Variants in SRCAP observed in about 807,000 individuals in gnomAD.
The protein encoded by SRCAP is chromatin remodeling protein SRCAP.
Under a neutral mutation model 263.1 loss-of-function variants are expected in SRCAP, and 46 were observed. That is an observed-to-expected ratio of 0.17 (90% CI 0.14 to 0.22). SRCAP has a LOEUF of 0.22. Among genes scored for constraint, SRCAP ranks in the 10% least tolerant of loss-of-function variants. The pLI, the probability that SRCAP is intolerant of heterozygous loss-of-function variation, is 1.00. For synonymous variants in SRCAP, 1,813 were observed against 1,662.1 expected (o/e 1.09, Z -2.21); for missense variants, 3,695 against 4,181.9 (o/e 0.88, Z 3.21).
rs2151294124 is a variant in SRCAP, at chr16:30,723,982, A to G, written c.4558A>G (p.Thr1520Ala). Residue 1520 changes from threonine to alanine, a missense_variant, in exon 25 of 34, where the codon ACA (threonine) becomes GCA (alanine). By Grantham distance (58) the Thr-to-Ala change is moderately conservative (BLOSUM62 0). Around this residue, in one of 12 missense-constraint regions of SRCAP, gnomAD observed 1,347 missense variants for 1,304.4 expected, o/e 1.03. Coordinates refer to ENST00000262518, the MANE Select transcript of SRCAP (RefSeq NM_006662.3). ...ATAPSLSSSQ[T>A]PGHPLLLAPT... is the part of the protein sequence containing the mutation. ...AGCTCCATCCCTGTCTTCATCTCAG[A>G]CACCTGGTCACCCTCTGTTGTTGGC... The G allele has an allele frequency of 6.2e-7, 1 of 1,614,038 alleles. No homozygotes were observed. Among genetic ancestry groups the G allele is most frequent in the South Asian group, 1.1e-5 (1 of 91,080 alleles).
intron 21 of SRCAP, among the ~76,000 whole-genome samples, chr16:30,721,709 A>G (rs2053013411): frequency 6.6e-6 from 1 of 152,264 alleles, no homozygotes; most frequent in Non-Finnish European, 1.5e-5. Flanking sequence ...AAATTGAGGC[A>G]GCTAACATAT....
intron 3 of SRCAP, among the ~76,000 whole-genome samples, chr16:30,702,568 TCCCTCCCTCCCTCCCTCCCTTCCCTG>T (rs1269009153): frequency 3.8e-3 from 220 of 57,250 alleles, no homozygotes; most frequent in African/African-American, 0.012. Flanking sequence ...CTCCCTCCCT[TCCCTCCCTCCCTCCCTCCCTTCCCTG>T]CCTTCCCTCC....
intron 3 of SRCAP, 93 bp from the exon 4 acceptor site, chr16:30,703,971 T>G: frequency 6.9e-7 from 1 of 1,450,640 alleles, no homozygotes; most frequent in Non-Finnish European, 9.3e-7. Context: ...CTCTACACAG[T>G]TTTTTCTTGT....
intron 18 of SRCAP, among the ~76,000 whole-genome samples, chr16:30,718,233 A>G (rs912911376): frequency 3.9e-5 from 6 of 151,924 alleles, no homozygotes; most frequent in African/African-American, 7.3e-5. Context: ...CTAGAGTGCA[A>G]TGGCACAATC....
intron 27 of SRCAP, among the ~76,000 whole-genome samples, chr16:30,731,947 C>T (rs1283093757): frequency 1.3e-5 from 2 of 151,964 alleles, no homozygotes; most frequent in Non-Finnish European, 2.9e-5. Context: ...GAGTTGGAGA[C>T]CAGCCTGGGC....
At chr16:30,710,681 C>T in intron 8 of SRCAP, 73 bp from the exon 9 acceptor site, 1 of 1,488,020 alleles carries the variant, frequency 6.7e-7, no homozygotes, top group Non-Finnish European at 9.4e-7. Context: ...CCTGTGACAC[C>T]TTTTTCAAGT....
chr16:30,708,296 C>T (rs1382010613), intron 6 of SRCAP, among the ~76,000 whole-genome samples: 1 of 152,204 alleles, frequency 6.6e-6, no homozygotes, highest in Non-Finnish European at 1.5e-5. Flanking sequence ...GCATCCTCAA[C>T]CTCCTGGGCT....
At position 30,700,715 on chromosome 16, in the gene SRCAP, C is replaced by A; in HGVS notation, c.-110C>A. ...CGGTGGCCGGTGGCCCAGAATGAGGCCAGCTCCCAGCATGCCCTGCAGCCG... is the reference window on the plus strand; with the variant it reads ...CGGTGGCCGGTGGCCCAGAATGAGGACAGCTCCCAGCATGCCCTGCAGCCG... On this transcript the variant is annotated 5_prime_UTR_variant, in exon 3 of 34. Transcript: ENST00000262518. The A allele has an allele frequency of 8.9e-7, 1 of 1,119,260 alleles. No homozygotes were observed. The highest frequency in any genetic ancestry group is 1.3e-6 in the Non-Finnish European group (1 of 771,952). The allele number at this position is 1,119,260 out of a possible 1,614,324, so 69.3% of individuals were successfully genotyped here.
At position 30,720,752 on chromosome 16, in the gene SRCAP, G is replaced by A. The variant is rs2053003368; in HGVS notation, c.3027G>A (p.Val1009=). The A allele has an allele frequency of 5.0e-6, 8 of 1,612,784 alleles. No individual in the cohort carries two copies. Among genetic ancestry groups the A allele is most frequent in the Non-Finnish European group, 6.8e-6 (8 of 1,179,412 alleles). ...TACCTAAGCAAGAAGGCCGGACAGT[G>A]GTGGTGGTGAACAACCCACGGGCGC... is the stretch of plus-strand genomic sequence containing the variant. ...QPVPKQEGRT[V]VVVNNPRAPL... is the part of the protein sequence containing the mutation. The change falls in exon 20 of 34, where the codon GTG becomes GTA. Residue 1009 remains valine, a synonymous_variant. Coordinates refer to ENST00000262518, the MANE Select transcript of SRCAP (RefSeq NM_006662.3).
At position 30,713,205 on chromosome 16, in the gene SRCAP, C is replaced by T. The variant is rs761154023; in HGVS notation, c.2131-3C>T. 3.1e-6 allele frequency: 5 copies of T among 1,613,830 alleles called. No individual in the cohort carries two copies. Among genetic ancestry groups the T allele is most frequent in the Middle Eastern group, 1.6e-4 (1 of 6,062 alleles). On this transcript the variant is annotated splice_region_variant and splice_polypyrimidine_tract_variant and intron_variant, in intron 14 of 33. Coordinates refer to ENST00000262518, the MANE Select transcript of SRCAP (RefSeq NM_006662.3). Reference sequence around the variant, plus strand: ...CTGCTACTTTCTGTCTTTGATCCCTCAGGGCTGGACCAAGCCCAATGCCTT... The same window carrying T: ...CTGCTACTTTCTGTCTTTGATCCCTTAGGGCTGGACCAAGCCCAATGCCTT...
rs773086154 is a variant in SRCAP at position 30,737,289 on chromosome 16, G to A, written c.7249G>A (p.Ala2417Thr). Reference sequence around the variant, plus strand: ...GGCAAACCACACTCCTGTCATATCCGCCCATCAAACTCGCAGCACCACCAC... The same window carrying A: ...GGCAAACCACACTCCTGTCATATCCACCCATCAAACTCGCAGCACCACCAC... The part of the protein sequence containing the change: ...QGANHTPVIS[A>T]HQTRSTTTPP... Residue 2417 changes from alanine (A) to threonine (T), a missense_variant, in exon 34 of 34, where the codon GCC (alanine) becomes ACC (threonine). Physicochemically the swap from Ala to Thr is moderately conservative, Grantham distance 58. Transcript: ENST00000262518. 1 of 1,613,910 alleles carries A rather than the reference G, an allele frequency of 6.2e-7. No individual in the cohort carries two copies. Among genetic ancestry groups the A allele is most frequent in the Admixed American group, 1.7e-5 (1 of 59,990 alleles).
In SRCAP at chr16:30,733,554, T is replaced by C. The variant is rs371603375; in HGVS notation, c.6298-48T>C. Reference sequence around the variant, plus strand: ...GTGCCACTAAGCCTTTAGACCTGTTTTGGGGGATAAGTCTCCCAGTATCAT... The same window carrying C: ...GTGCCACTAAGCCTTTAGACCTGTTCTGGGGGATAAGTCTCCCAGTATCAT... On this transcript the variant is annotated intron_variant, in intron 28 of 33. Coordinates refer to ENST00000262518, the MANE Select transcript of SRCAP (RefSeq NM_006662.3). This position sits in a 1 kb window ranked among gnomAD's most constrained non-coding sequence, Gnocchi z 5.3. 578 of 1,603,356 alleles carry C rather than the reference T, an allele frequency of 3.6e-4. No homozygotes were observed. The highest frequency in any genetic ancestry group is 4.7e-4 in the Non-Finnish European group (548 of 1,173,140).
rs1388958538 is a variant in SRCAP at position 30,711,599 on chromosome 16, G to A, written c.1347G>A (p.Gln449=). The A allele has an allele frequency of 2.5e-5, 40 of 1,601,860 alleles. No individual in the cohort carries two copies. Among genetic ancestry groups the A allele is most frequent in the Non-Finnish European group, 3.3e-5 (39 of 1,176,124 alleles). ...AGCTTTCCATGGAGGAGCTATTGCAGCAGTATGCAGGAGCCTATGCCCCAG... is the reference window on the plus strand; with the variant it reads ...AGCTTTCCATGGAGGAGCTATTGCAACAGTATGCAGGAGCCTATGCCCCAG... ...EGELSMEELL[Q]QYAGAYAPGS... is the part of the protein sequence containing the mutation. Residue 449 remains glutamine, a synonymous_variant, in exon 11 of 34, where the codon CAG becomes CAA. Coordinates refer to ENST00000262518, the MANE Select transcript of SRCAP (RefSeq NM_006662.3).
In SRCAP at chr16:30,733,882, A is replaced by G. The variant is rs2053135426; in HGVS notation, c.6495-12A>G. ...ATTTGGCTGCTTACACACGGCCTTCATCACCCCCTAGGCTTATCAGTGAAC... is the reference window on the plus strand; with the variant it reads ...ATTTGGCTGCTTACACACGGCCTTCGTCACCCCCTAGGCTTATCAGTGAAC... On this transcript the variant is annotated splice_polypyrimidine_tract_variant and intron_variant, in intron 29 of 33. Transcript: ENST00000262518. The surrounding 1 kb of genome is among the most constrained non-coding windows in gnomAD (Gnocchi z 5.3). The G allele has an allele frequency of 1.9e-6, 3 of 1,613,686 alleles. No homozygotes were observed. The highest frequency in any genetic ancestry group is 2.5e-6 in the Non-Finnish European group (3 of 1,179,790).
intron 31 of SRCAP, among the ~76,000 whole-genome samples, chr16:30,734,829 GA>G (rs1460310245): frequency 6.6e-6 from 1 of 152,096 alleles, no homozygotes; most frequent in Non-Finnish European, 1.5e-5. Flanking sequence ...TTTTAGGTTT[GA>G]ATTCCAGTAA....
intron 3 of SRCAP, chr16:30,701,346 G>A (rs2052763980): frequency 6.5e-6 from 1 of 152,838 alleles, no homozygotes; most frequent in African/African-American, 2.4e-5. Flanking sequence ...TATAAAAAGG[G>A]TTTCTTTATT....
chr16:30,713,814 C>A, intron 16 of SRCAP, 103 bp downstream of exon 16: 1 of 1,036,916 alleles, frequency 9.6e-7, no homozygotes, highest in Non-Finnish European at 1.4e-6. Context: ...GAAGTCAGTG[C>A]CAGGCTAAAC....
In SRCAP at chr16:30,716,612, C is replaced by T. The variant is rs527687025; in HGVS notation, c.2817+133C>T. ...CTATCATTCCCTTAGTTTTATTGTACTCTAGCCATGTGACTTAACGATGGT... is the reference window on the plus strand; with the variant it reads ...CTATCATTCCCTTAGTTTTATTGTATTCTAGCCATGTGACTTAACGATGGT... On this transcript the variant is annotated intron_variant, in intron 18 of 33. Transcript: ENST00000262518. The T allele has an allele frequency of 9.9e-6, 8 of 805,468 alleles. No homozygotes were observed. The Admixed American group carries it at 1.9e-4, about 19-fold the overall frequency. The allele number at this position is 805,468 out of a possible 1,614,324, so 49.9% of individuals were successfully genotyped here.
Position 30,723,570 on chromosome 16 carries a change from C to T in SRCAP, c.4160-14C>T. 1 of 1,603,504 alleles carries T rather than the reference C, an allele frequency of 6.2e-7. No individual in the cohort carries two copies. The highest frequency in any genetic ancestry group is 2.2e-5 in the East Asian group (1 of 44,776). On this transcript the variant is annotated splice_polypyrimidine_tract_variant and intron_variant, in intron 24 of 33. Transcript: ENST00000262518. ...AAAAGAATTCTGGGGCTAACTCATC[C>T]TCTCTCTCCACAGCTTCAGCCCCCG...
Sources: gnomAD v4.1 joint callset for allele counts (sites outside exome capture counted in the v4.1 genomes callset) on GRCh38, gnomAD v4.1.1 for gene constraint, gnomAD v4.1.1 regional missense constraint, Gnocchi (gnomAD v3.1) non-coding constraint, MANE v1.5 for transcripts, NCBI Gene and HGNC (gene_info 2026-07-23, HGNC 2026-07-21) for gene names.